The following AP3D1 variants were observed in gnomAD, a reference collection of about 807,000 sequenced individuals.
The protein encoded by AP3D1 is adaptor related protein complex 3 subunit delta 1.
In AP3D1, 51 loss-of-function variants were observed where a neutral mutation model predicts 147.6. That is an observed-to-expected ratio of 0.35 (90% CI 0.28 to 0.44). AP3D1 has a LOEUF of 0.44. Ranked by LOEUF, AP3D1 falls within the 20% of genes least tolerant of loss-of-function variation. The pLI, the probability that AP3D1 is intolerant of heterozygous loss-of-function variation, is 1.00. For synonymous variants in AP3D1, 760 were observed against 663.0 expected (o/e 1.15, Z -2.25); for missense variants, 1,421 against 1,624.2 (o/e 0.87, Z 2.15).
In AP3D1 at chr19:2,118,814, G is replaced by C. The variant is rs2018531323; in HGVS notation, c.1500C>G (p.His500Gln). The change falls in exon 15 of 32, where the codon CAC becomes CAG. Residue 500 changes from histidine (H) to glutamine (Q), a missense_variant. His to Gln is a conservative substitution (Grantham distance 24). Transcript: ENST00000643116. Reference sequence around the variant, plus strand: ...GCCGCAGCATGGCCTCCAAAGTGTGGTGTGGTTCCTGCAGATGCCTGAGGA... The same window carrying C: ...GCCGCAGCATGGCCTCCAAAGTGTGCTGTGGTTCCTGCAGATGCCTGAGGA... ...GEFSEHLQEP[H>Q]HTLEAMLRPR... 1.2e-6 allele frequency: 2 copies of C among 1,613,430 alleles called. No individual in the cohort carries two copies. Among genetic ancestry groups the C allele is most frequent in the South Asian group, 2.2e-5 (2 of 91,050 alleles).
At chr19:2,111,202 TG>T in intron 26 of AP3D1, 82 bp downstream of exon 26, 1 of 1,539,720 alleles carries the variant, frequency 6.5e-7, no homozygotes. Context: ...CCGGGAGCTG[TG>T]GGGGCTGCCC....
intron 14 of AP3D1, among the ~76,000 whole-genome samples, chr19:2,120,550 C>T (rs1281032235): frequency 6.6e-6 from 1 of 152,146 alleles, no homozygotes; most frequent in African/African-American, 2.4e-5. Flanking sequence ...CAGGGCCAGC[C>T]CCCCGTCTGC....
intron 24 of AP3D1, chr19:2,112,509 A>C: frequency 2.3e-5 from 5 of 217,178 alleles, no homozygotes; most frequent in East Asian, 1.2e-4. Flanking sequence ...AGGGCAGGGA[A>C]GGGAGTGAGA....
chr19:2,116,185 G>A (rs1194606432), intron 18 of AP3D1, 22 bp downstream of exon 18: 1 of 1,612,372 alleles, frequency 6.2e-7, no homozygotes, highest in Non-Finnish European at 8.5e-7. Flanking sequence ...CTGAGGGACA[G>A]GCACCCGGGG....
chr19:2,133,489 G>C (rs2019001350), intron 4 of AP3D1: 1 of 151,820 alleles, frequency 6.6e-6, no homozygotes, highest in African/African-American at 2.4e-5. Context: ...AATATTCTGT[G>C]GTCAAAATAT....
chr19:2,118,883 T>TCAC, intron 14 of AP3D1, 51 bp from the exon 15 acceptor site: 3 of 1,548,674 alleles, frequency 1.9e-6, no homozygotes, highest in African/African-American at 1.4e-5. Flanking sequence ...CCGGGGCTCC[T>TCAC]CTCTAGCAGG....
chr19:2,131,329 A>T (rs1311098045), intron 5 of AP3D1, among the ~76,000 whole-genome samples: 1 of 149,774 alleles, frequency 6.7e-6, no homozygotes, highest in African/African-American at 2.5e-5. Flanking sequence ...CACCAGGTGG[A>T]CAGGCAGCCA....
Position 2,128,546 on chromosome 19 carries a change from G to T in AP3D1, c.806+544C>A, listed in dbSNP as rs1432205214. On this transcript the variant is annotated intron_variant, in intron 8 of 31. Transcript: ENST00000643116. ...ACACTGCACCCCGTGGAGCCGGCCC[G>T]CCCCACAGCTCCGACACTGCACCCC... Among the ~76,000 whole-genome samples, 3 of 95,474 alleles carry T rather than the reference G, an allele frequency of 3.1e-5. 1 individual carries two copies. Among genetic ancestry groups the T allele is most frequent in the African/African-American group, 1.6e-4 (3 of 18,510 alleles). The allele number at this position is 95,474 out of a possible 152,430, so 62.6% of individuals were successfully genotyped here. A position where few individuals can be genotyped will look rare whatever the true frequency, so the allele number is the denominator to read the frequency against.
rs545136693 is a variant in AP3D1, at chr19:2,151,533, C to A, written c.-199G>T. 467 of 165,896 alleles carry A rather than the reference C, an allele frequency of 2.8e-3. 5 individuals are homozygous for A. Among genetic ancestry groups the A allele is most frequent in the African/African-American group, 0.01 (437 of 41,790 alleles). 10.3% of individuals were successfully genotyped at this position (165,896 alleles called of 1,614,324 possible). On this transcript the variant is annotated 5_prime_UTR_variant, in exon 1 of 32. Transcript: ENST00000643116. Reference sequence around the variant, plus strand: ...CTCGGCAGGTGCCGCGATCCCGCTCCGGGCCCCTTGCAAATGGCGGACAAG... The same window carrying A: ...CTCGGCAGGTGCCGCGATCCCGCTCAGGGCCCCTTGCAAATGGCGGACAAG...
chr19:2,116,557 G>A (rs948800493), intron 17 of AP3D1, 48 bp downstream of exon 17: 25 of 1,518,538 alleles, frequency 1.6e-5, no homozygotes, highest in Admixed American at 8.2e-5. Context: ...GACTCCCTGG[G>A]ACAGGAGGGA....
At chr19:2,152,439 A>T (rs967679641), upstream of AP3D1, among the ~76,000 whole-genome samples, 2 of 152,048 alleles carry the variant, frequency 1.3e-5, no homozygotes, top group Non-Finnish European at 2.9e-5. Flanking sequence ...GCTATTCGGG[A>T]GGGTGAGTCA....
chr19:2,117,358 T>C lies in AP3D1; in HGVS notation c.1723A>G (p.Ile575Val), dbSNP rs766365638. The C allele has an allele frequency of 1.9e-6, 3 of 1,604,270 alleles. No homozygotes were observed. The highest frequency in any genetic ancestry group is 2.2e-5 in the South Asian group (2 of 90,332). The change falls in exon 16 of 32, where the codon ATC (isoleucine) becomes GTC (valine). Residue 575 changes from isoleucine (I) to valine (V), a missense_variant. By Grantham distance (29) the Ile-to-Val change is conservative. This residue lies in a region of AP3D1 where 310 missense variants were observed against 388.1 expected (regional missense o/e 0.80). Transcript: ENST00000643116. ...TGGATGTGCTTGACCAGCTGCAGGA[T>C]GCAGGACGCCTGTGGGGGACACAGG... Reference protein sequence around the residue: ...DLEVQERASCILQLVKHIQKL... With the variant: ...DLEVQERASCVLQLVKHIQKL...
At chr19:2,149,829 A>C (rs947638080) in intron 1 of AP3D1, among the ~76,000 whole-genome samples, 1 of 152,184 alleles carries the variant, frequency 6.6e-6, no homozygotes, top group African/African-American at 2.4e-5. Flanking sequence ...TGTGCAGAAA[A>C]AGTCCTCTCG....
rs1048018376 is a variant in AP3D1, at chr19:2,130,306, C to T, written c.592+102G>A. On this transcript the variant is annotated intron_variant, in intron 6 of 31. Transcript: ENST00000643116. ...AGGCATGTTCCTGGACTGAGCCCTT[C>T]ACCACTCCCCGCAGCACCCCCCAAA... is the stretch of plus-strand genomic sequence containing the variant. The T allele has an allele frequency of 8.5e-6, 13 of 1,533,492 alleles. No homozygotes were observed. The African/African-American group carries it at 1.5e-4, about 18-fold the overall frequency. The allele number at this position is 1,533,492 out of a possible 1,614,324, so 95.0% of individuals were successfully genotyped here. A position where few individuals can be genotyped will look rare whatever the true frequency, so the allele number is the denominator to read the frequency against.
intron 17 of AP3D1, 136 bp from the exon 18 acceptor site, chr19:2,116,414 A>G: frequency 8.1e-7 from 1 of 1,233,008 alleles, no homozygotes. Flanking sequence ...TAACAGGGAA[A>G]CCAAGGCCCG....
intron 1 of AP3D1, among the ~76,000 whole-genome samples, chr19:2,159,082 C>T (rs142894810): frequency 0.01 from 1,592 of 152,208 alleles, 101 homozygotes; most frequent in Admixed American, 0.097. Context: ...CCTCCGACTC[C>T]GGGCTCAAGT....
intron 17 of AP3D1, 81 bp downstream of exon 17, chr19:2,116,524 A>G (rs2145046555): frequency 6.9e-7 from 1 of 1,453,288 alleles, no homozygotes; most frequent in Non-Finnish European, 9.1e-7. Flanking sequence ...CAGGACCCAC[A>G]GAGGCCGCTG....
rs183555561 is a variant in AP3D1 at position 2,139,933 on chromosome 19, G to A, written c.97-1219C>T. 3.6e-3 allele frequency among the ~76,000 whole-genome samples: 542 copies of A among 152,286 alleles called. 5 individuals are homozygous for A. The highest frequency in any genetic ancestry group is 0.012 in the African/African-American group (502 of 41,560). On this transcript the variant is annotated intron_variant, in intron 1 of 31. Transcript: ENST00000643116. Reference sequence around the variant, plus strand: ...CCCAACCTCGGCTGCCAGCTGCACCGGGCTGGGGAAGGAGACACAGCTGTG... The same window carrying A: ...CCCAACCTCGGCTGCCAGCTGCACCAGGCTGGGGAAGGAGACACAGCTGTG...
intron 1 of AP3D1, among the ~76,000 whole-genome samples, chr19:2,159,706 T>TG (rs2019680034): frequency 1.5e-5 from 2 of 130,270 alleles, no homozygotes; most frequent in East Asian, 4.7e-4. Context: ...AATTTTTGTA[T>TG]TTTTTTTTTT....
Sources: gnomAD v4.1 joint callset for allele counts (sites outside exome capture counted in the v4.1 genomes callset) on GRCh38, gnomAD v4.1.1 for gene constraint, gnomAD v4.1.1 regional missense constraint, MANE v1.5 for transcripts, NCBI Gene and HGNC (gene_info 2026-07-23, HGNC 2026-07-21) for gene names.